Variants in NALF1 observed in about 807,000 individuals in gnomAD.
The protein encoded by NALF1 is family with sequence similarity 155 member A.
Under a neutral mutation model 48.4 loss-of-function variants are expected in NALF1, and 3 were observed. The ratio of observed to expected loss-of-function variants is 0.06; its 90% CI spans 0.03 to 0.16. The LOEUF (loss-of-function observed/expected upper bound fraction) is 0.16, where lower values mean the gene tolerates loss of function less well. NALF1 is among the 10% of genes least tolerant of loss of function. NALF1 has a pLI of 1.00. For missense variants in NALF1, 526 were observed against 571.5 expected, an observed-to-expected ratio of 0.92 and a Z score of 0.81; for synonymous variants, 262 against 245.7, an observed-to-expected ratio of 1.07 and a Z score of -0.62.
chr13:107,314,956 C>T (rs191581710), intron 1 of NALF1, among the ~76,000 whole-genome samples: 3 of 152,214 alleles, frequency 2.0e-5, no homozygotes, highest in East Asian at 3.9e-4. Context: ...TTTCACTGTG[C>T]TCCTTCATTT....
chr13:107,781,688 T>G (rs1207970970), intron 1 of NALF1, among the ~76,000 whole-genome samples: 1 of 151,864 alleles, frequency 6.6e-6, no homozygotes, highest in Non-Finnish European at 1.5e-5. Context: ...GATCTCTTCT[T>G]TGCACTGCTT....
intron 1 of NALF1, among the ~76,000 whole-genome samples, chr13:107,697,507 C>G (rs1881725179): frequency 6.6e-6 from 1 of 151,934 alleles, no homozygotes; most frequent in Non-Finnish European, 1.5e-5. Context: ...TGTTTTTCAC[C>G]TATAATTAGT....
chr13:107,486,023 T>C (rs1046050091), intron 1 of NALF1, among the ~76,000 whole-genome samples: 1 of 152,214 alleles, frequency 6.6e-6, no homozygotes, highest in African/African-American at 2.4e-5. Flanking sequence ...TATTTTTCCA[T>C]ACATTTGTGA....
intron 1 of NALF1, among the ~76,000 whole-genome samples, chr13:107,345,619 C>A (rs1368009432): frequency 6.6e-6 from 1 of 152,106 alleles, no homozygotes; most frequent in Non-Finnish European, 1.5e-5. Flanking sequence ...TTATCTTACA[C>A]CATATACAAA....
At chr13:107,851,805 C>CTTTTTT (rs34999908) in intron 1 of NALF1, among the ~76,000 whole-genome samples, 60 of 104,692 alleles carry the variant, frequency 5.7e-4, no homozygotes, top group African/African-American at 6.7e-4. Context: ...CAGGCCCTTT[C>CTTTTTT]TTTTTTTTTT....
intron 1 of NALF1, among the ~76,000 whole-genome samples, chr13:107,442,856 T>C (rs998001134): frequency 2.6e-5 from 4 of 152,288 alleles, no homozygotes; most frequent in Admixed American, 6.5e-5. Flanking sequence ...GTTTTAACTA[T>C]TGATATAACG....
intron 1 of NALF1, among the ~76,000 whole-genome samples, chr13:107,841,391 T>C (rs1880038980): frequency 6.6e-6 from 1 of 152,150 alleles, no homozygotes; most frequent in Non-Finnish European, 1.5e-5. Flanking sequence ...AGATGATTAT[T>C]TGGCACATTT....
chr13:107,720,312 C>G (rs1222151723), intron 1 of NALF1, among the ~76,000 whole-genome samples: 4 of 152,054 alleles, frequency 2.6e-5, no homozygotes, highest in Non-Finnish European at 4.4e-5. Flanking sequence ...GTGCTCGAGA[C>G]CAGCCTGACC....
intron 1 of NALF1, among the ~76,000 whole-genome samples, chr13:107,230,280 CA>C (rs980846350): frequency 7.9e-5 from 12 of 151,996 alleles, no homozygotes; most frequent in African/African-American, 2.4e-4. Flanking sequence ...AGATTTTAAA[CA>C]GGAAGAAAAA....
At chr13:107,445,498 C>T (rs945180181) in intron 1 of NALF1, among the ~76,000 whole-genome samples, 4 of 152,134 alleles carry the variant, frequency 2.6e-5, no homozygotes, top group African/African-American at 9.7e-5. Flanking sequence ...CAGTTTTGGG[C>T]TACTACAAAT....
chr13:107,847,389 T>C (rs1207277289), intron 1 of NALF1, among the ~76,000 whole-genome samples: 1 of 152,216 alleles, frequency 6.6e-6, no homozygotes, highest in Admixed American at 6.5e-5. Flanking sequence ...GGCCTCTGAT[T>C]TTTCCTCTTG....
chr13:107,177,434 C>G (rs995079615), intron 2 of NALF1, among the ~76,000 whole-genome samples: 1 of 152,116 alleles, frequency 6.6e-6, no homozygotes, highest in Non-Finnish European at 1.5e-5. Context: ...CCCAGAATAG[C>G]CAAAGTTATC....
At chr13:107,254,457 G>T (rs1222082802) in intron 1 of NALF1, among the ~76,000 whole-genome samples, 1 of 152,152 alleles carries the variant, frequency 6.6e-6, no homozygotes, top group African/African-American at 2.4e-5. Flanking sequence ...GATAGAGGAA[G>T]GAAAGTAGTT....
chr13:107,486,512 A>G (rs2139065416), intron 1 of NALF1, among the ~76,000 whole-genome samples: 1 of 152,206 alleles, frequency 6.6e-6, no homozygotes, highest in Non-Finnish European at 1.5e-5. Context: ...GAGGCTACAG[A>G]GCAGGTCTGG....
At chr13:107,296,296 A>G (rs1682383681) in intron 1 of NALF1, among the ~76,000 whole-genome samples, 1 of 152,234 alleles carries the variant, frequency 6.6e-6, no homozygotes, top group Admixed American at 6.5e-5. Context: ...TTTCAAATGT[A>G]TCAGAATAAT....
intron 1 of NALF1, among the ~76,000 whole-genome samples, chr13:107,658,508 T>A (rs9559125): frequency 0.28 from 41,846 of 152,058 alleles, 6,633 homozygotes; most frequent in East Asian, 0.51. Flanking sequence ...AATTTGTGCT[T>A]TACCTCTAAG....
intron 1 of NALF1, among the ~76,000 whole-genome samples, chr13:107,658,086 GTCT>G (rs1385303800): frequency 5.3e-5 from 8 of 152,114 alleles, no homozygotes; most frequent in South Asian, 2.1e-4. Context: ...TCTGACAGTG[GTCT>G]TCTTATCAGC....
At chr13:107,413,856 A>T (rs150798829) in intron 1 of NALF1, among the ~76,000 whole-genome samples, 112 of 152,172 alleles carry the variant, frequency 7.4e-4, no homozygotes, top group Non-Finnish European at 1.3e-3. Context: ...GCGCAATCTC[A>T]GCTCACTGTA....
chr13:107,511,255 T>C lies in NALF1; in HGVS notation c.916-300500A>G, dbSNP rs1474815090. ...ATCCGACTCTTCCGTTGTCTGTACATAGTGTGACTAGATCGTATTGTCGCC... is the reference window on the plus strand; with the variant it reads ...ATCCGACTCTTCCGTTGTCTGTACACAGTGTGACTAGATCGTATTGTCGCC... On this transcript the variant is annotated intron_variant, in intron 1 of 2. Transcript: ENST00000375915. 2.6e-5 allele frequency among the ~76,000 whole-genome samples: 4 copies of C among 152,198 alleles called. 1 individual carries two copies. The highest frequency in any genetic ancestry group is 7.2e-5 in the African/African-American group (3 of 41,446).
Sources: gnomAD v4.1 joint callset for allele counts (sites outside exome capture counted in the v4.1 genomes callset) on GRCh38, gnomAD v4.1.1 for gene constraint, MANE v1.5 for transcripts, NCBI Gene and HGNC (gene_info 2026-07-23, HGNC 2026-07-21) for gene names.